Variants in MASP1 observed in about 807,000 individuals in gnomAD.
MASP1 encodes MBL associated serine protease 1, also known as mannan-binding lectin serine protease 1.
Under a neutral mutation model 77.1 loss-of-function variants are expected in MASP1, and 59 were observed. The ratio of observed to expected loss-of-function variants is 0.77; its 90% CI spans 0.62 to 0.95. MASP1 has a LOEUF of 0.95. Among genes scored for constraint, MASP1 ranks in the 40% least tolerant of loss-of-function variants. The pLI, the probability that MASP1 is intolerant of heterozygous loss-of-function variation, is 0.00. For missense variants in MASP1, 885 were observed against 912.9 expected (o/e 0.97, Z 0.39); for synonymous variants, 362 against 354.5 (o/e 1.02, Z -0.24).
intron 2 of MASP1, among the ~76,000 whole-genome samples, chr3:187,264,310 G>A (rs768745277): frequency 2.0e-5 from 3 of 152,214 alleles, no homozygotes; most frequent in African/African-American, 7.2e-5. Flanking sequence ...GATACCAGCC[G>A]AACTCACACC....
chr3:187,222,539 T>A (rs1219188696), intron 14 of MASP1, among the ~76,000 whole-genome samples: 1 of 152,236 alleles, frequency 6.6e-6, no homozygotes, highest in Non-Finnish European at 1.5e-5. Context: ...AACTCTTTGA[T>A]GGCAGCTCGT....
At chr3:187,259,821 T>A (rs1162480204) in intron 4 of MASP1, among the ~76,000 whole-genome samples, 1 of 152,164 alleles carries the variant, frequency 6.6e-6, no homozygotes. Context: ...CCCCCAGTGA[T>A]CCCTCACTCA....
At chr3:187,220,670 G>A (rs1042817775) in intron 15 of MASP1, among the ~76,000 whole-genome samples, 7 of 151,546 alleles carry the variant, frequency 4.6e-5, no homozygotes, top group Non-Finnish European at 1.0e-4. Context: ...GCTAATTTTT[G>A]TATTTTTAGT....
chr3:187,280,761 TTAAA>T (rs1717345039), intron 2 of MASP1, among the ~76,000 whole-genome samples: 1 of 152,212 alleles, frequency 6.6e-6, no homozygotes. Flanking sequence ...AATAATTCTG[TTAAA>T]TAAATAGAAG....
chr3:187,256,670 G>A lies in MASP1; in HGVS notation c.738C>T (p.Tyr246=), dbSNP rs1255752227. The part of the protein sequence containing the change: ...DHPEVPCPYD[Y]IKIKVGPKVL... ...GTGTTCATTGCAGGCTCACCTTGAT[G>A]TAGTCATAGGGGCAGGGCACCTCAG... is the stretch of plus-strand genomic sequence containing the variant. Residue 246 remains tyrosine, a synonymous_variant, in exon 5 of 11, where the codon TAC becomes TAT. Coordinates refer to ENST00000296280, the MANE Select transcript of MASP1 (RefSeq NM_139125.4). 1 of 1,613,794 alleles carries A rather than the reference G, an allele frequency of 6.2e-7. No homozygotes were observed. Among genetic ancestry groups the A allele is most frequent in the Non-Finnish European group, 8.5e-7 (1 of 1,179,996 alleles).
At chr3:187,240,928 G>A (rs1208725586) in intron 10 of MASP1, among the ~76,000 whole-genome samples, 2 of 152,098 alleles carry the variant, frequency 1.3e-5, no homozygotes, top group South Asian at 2.1e-4. Flanking sequence ...GAGCCACCAC[G>A]CTTGGCCTAT....
downstream of MASP1, chr3:187,234,056 C>A: frequency 8.2e-7 from 1 of 1,213,454 alleles, no homozygotes; most frequent in Non-Finnish European, 1.0e-6. Flanking sequence ...ACTTCCCCAA[C>A]AATAACAAAA....
rs568068696 is a variant in MASP1 at position 187,257,214 on chromosome 3, G to T, written c.548-354C>A. On this transcript the variant is annotated intron_variant, in intron 4 of 10. Coordinates refer to ENST00000296280, the MANE Select transcript of MASP1 (RefSeq NM_139125.4). ...GGACCTCTGTGATCATGTCCTCCCTGTACCCAGAACTTCAGGAGATCCCTC... is the reference window on the plus strand; with the variant it reads ...GGACCTCTGTGATCATGTCCTCCCTTTACCCAGAACTTCAGGAGATCCCTC... Among the ~76,000 whole-genome samples, 76 of 152,098 alleles carry T rather than the reference G, an allele frequency of 5.0e-4. 1 individual carries two copies. The highest frequency in any genetic ancestry group is 1.8e-3 in the African/African-American group (74 of 41,446).
At chr3:187,238,972 A>C (rs576960913) in intron 10 of MASP1, among the ~76,000 whole-genome samples, 1 of 152,148 alleles carries the variant, frequency 6.6e-6, no homozygotes, top group Non-Finnish European at 1.5e-5. Context: ...GTTCTGCCCA[A>C]CACTGGGTGT....
At chr3:187,221,051 A>G in exon 15 of MASP1, 1 of 1,614,030 alleles carries the variant, frequency 6.2e-7, no homozygotes, top group Non-Finnish European at 8.5e-7. Context: ...TCTCCCCAGC[A>G]CAGATCATGT....
downstream of MASP1, among the ~76,000 whole-genome samples, chr3:187,231,965 G>A (rs1333075929): frequency 6.6e-6 from 1 of 152,204 alleles, no homozygotes; most frequent in Non-Finnish European, 1.5e-5. Context: ...AGAGGAAGGA[G>A]GGAGTACAGA....
At chr3:187,220,903 C>T (rs1042864949) in intron 15 of MASP1, 14 of 707,176 alleles carry the variant, frequency 2.0e-5, no homozygotes, top group Non-Finnish European at 3.1e-5. Flanking sequence ...CCTCCTCCCA[C>T]GGCCTTCCTC....
chr3:187,253,419 A>C (rs758047056), intron 5 of MASP1, 104 bp from the exon 6 acceptor site: 113 of 1,183,792 alleles, frequency 9.5e-5, no homozygotes, highest in Non-Finnish European at 1.3e-4. Context: ...GTTTTCTGGA[A>C]GCTTCCATAT....
chr3:187,220,772 A>T (rs1341859848), intron 15 of MASP1, among the ~76,000 whole-genome samples: 1 of 152,158 alleles, frequency 6.6e-6, no homozygotes, highest in Admixed American at 6.5e-5. Flanking sequence ...TGCTGGGATT[A>T]CAGGCATGAA....
chr3:187,272,752 G>A (rs1034316236), intron 2 of MASP1, among the ~76,000 whole-genome samples: 4 of 152,156 alleles, frequency 2.6e-5, no homozygotes, highest in African/African-American at 9.7e-5. Context: ...AAGGAGCATG[G>A]TCCTGCAGAC....
In MASP1 at chr3:187,256,666, T is replaced by C. The variant is rs1715104715; in HGVS notation, c.742A>G (p.Lys248Glu). The C allele has an allele frequency of 6.2e-7, 1 of 1,613,784 alleles. No homozygotes were observed. Among genetic ancestry groups the C allele is most frequent in the African/African-American group, 1.3e-5 (1 of 74,920 alleles). Reference sequence around the variant, plus strand: ...ACAAGTGTTCATTGCAGGCTCACCTTGATGTAGTCATAGGGGCAGGGCACC... The same window carrying C: ...ACAAGTGTTCATTGCAGGCTCACCTCGATGTAGTCATAGGGGCAGGGCACC... ...PEVPCPYDYIKIKVGPKVLGP... is the reference protein window; with the variant it reads ...PEVPCPYDYIEIKVGPKVLGP... Residue 248 changes from lysine to glutamate, a missense_variant and splice_region_variant, in exon 5 of 11, where the codon AAG (lysine) becomes GAG (glutamate). Coordinates refer to ENST00000296280, the MANE Select transcript of MASP1 (RefSeq NM_139125.4).
chr3:187,287,926 T>C (rs1425952853), intron 1 of MASP1, among the ~76,000 whole-genome samples: 1 of 152,250 alleles, frequency 6.6e-6, no homozygotes, highest in Non-Finnish European at 1.5e-5. Flanking sequence ...TATGTAGCTA[T>C]GTCATGTTAA....
exon 16 of MASP1, chr3:187,219,812 G>T (rs1711927908): frequency 5.6e-6 from 3 of 532,510 alleles, no homozygotes; most frequent in Admixed American, 3.1e-5. Flanking sequence ...GAAGTTCGAA[G>T]AGATGAAGTC....
At chr3:187,223,985 A>T (rs1156704173) in intron 13 of MASP1, among the ~76,000 whole-genome samples, 1 of 152,244 alleles carries the variant, frequency 6.6e-6, no homozygotes, top group African/African-American at 2.4e-5. Context: ...GTTAATGAAC[A>T]TAAAGCACCT....
Sources: gnomAD v4.1 joint callset for allele counts (sites outside exome capture counted in the v4.1 genomes callset) on GRCh38, gnomAD v4.1.1 for gene constraint, MANE v1.5 for transcripts, NCBI Gene and HGNC (gene_info 2026-07-23, HGNC 2026-07-21) for gene names.